Variants in TOMM5 observed in about 807,000 individuals in gnomAD.
TOMM5 encodes the protein mitochondrial import receptor subunit TOM5 homolog.
In TOMM5, 1 loss-of-function variant was observed where a neutral mutation model predicts 4.8. The ratio of observed to expected loss-of-function variants is 0.21; its 90% CI spans 0.07 to 0.99. TOMM5 has a LOEUF of 0.99. Ranked by LOEUF, TOMM5 falls within the 50% of genes least tolerant of loss-of-function variation. The pLI is 0.60. For missense variants in TOMM5, 60 were observed against 66.6 expected (o/e 0.90, Z 0.35); for synonymous variants, 26 against 26.7 (o/e 0.97, Z 0.08).
At chr9:37,592,123 G>A in intron 1 of TOMM5, 1 of 1,177,478 alleles carries the variant, frequency 8.5e-7, no homozygotes. Context: ...ACAAAGTGCT[G>A]GGTGGGATTA....
Position 37,588,844 on chromosome 9 carries a change from T to G in TOMM5, c.*54A>C, listed in dbSNP as rs766294909. 2 of 1,574,620 alleles carry G rather than the reference T, an allele frequency of 1.3e-6. No homozygotes were observed. The highest frequency in any genetic ancestry group is 1.7e-6 in the Non-Finnish European group (2 of 1,144,626). On this transcript the variant is annotated 3_prime_UTR_variant, in exon 2 of 2. Transcript: ENST00000321301. ...GGGCCTATTCACTTGCAGAGAGGAG[T>G]CGAAACTGTAACCAGGCTCTTCATA...
Position 37,588,716 on chromosome 9 carries a change from C to T in TOMM5, c.*182G>A. ...TCACGAGACATCGTTTCATACTTCCCAAATAGTTTTATATTTTAGCTTTGA... is the reference window on the plus strand; with the variant it reads ...TCACGAGACATCGTTTCATACTTCCTAAATAGTTTTATATTTTAGCTTTGA... On this transcript the variant is annotated 3_prime_UTR_variant, in exon 2 of 2. Transcript: ENST00000321301. 1 of 710,084 alleles carries T rather than the reference C, an allele frequency of 1.4e-6. No homozygotes were observed. Among genetic ancestry groups the T allele is most frequent in the Non-Finnish European group, 2.6e-6 (1 of 390,532 alleles). The allele number at this position is 710,084 out of a possible 1,614,324, so 44.0% of individuals were successfully genotyped here. A position where few individuals can be genotyped will look rare whatever the true frequency, so the allele number is the denominator to read the frequency against.
chr9:37,591,905 G>A (rs1823109216), intron 1 of TOMM5, among the ~76,000 whole-genome samples: 1 of 151,978 alleles, frequency 6.6e-6, no homozygotes, highest in Non-Finnish European at 1.5e-5. Context: ...ATAATTACTT[G>A]AGCTCTTTCA....
chr9:37,591,010 G>T (rs1823091506), intron 1 of TOMM5, among the ~76,000 whole-genome samples: 1 of 152,186 alleles, frequency 6.6e-6, no homozygotes, highest in African/African-American at 2.4e-5. Context: ...AGGAACAATG[G>T]AAAGGATACT....
At position 37,588,543 on chromosome 9, in the gene TOMM5, A is replaced by C; in HGVS notation, c.*355T>G. The C allele has an allele frequency of 2.4e-6, 1 of 410,720 alleles. No individual in the cohort carries two copies. 25.4% of individuals were successfully genotyped at this position (410,720 alleles called of 1,614,324 possible). On this transcript the variant is annotated 3_prime_UTR_variant, in exon 2 of 2. Coordinates refer to ENST00000321301, the MANE Select transcript of TOMM5 (RefSeq NM_001001790.3). ...TCTTCACAAATACACTCTGGGCAGA[A>C]GAAAAAGGTAAACAGAAATGACTGA...
At chr9:37,592,126 TG>T in intron 1 of TOMM5, 1 of 1,200,334 alleles carries the variant, frequency 8.3e-7, no homozygotes, top group Non-Finnish European at 1.1e-6. Context: ...AAGTGCTGGG[TG>T]GGATTACAGG....
In TOMM5 at chr9:37,592,464, A is replaced by G. The variant is rs1563900369; in HGVS notation, c.69T>C (p.Asp23=). ...PEEMKRKMRE[D]VISSIRNFLI... Reference sequence around the variant, plus strand: ...GAAAGTTCCGTATGGAGGAGATCACATCCTCGCGCATCTTCCGTTTCATCT... The same window carrying G: ...GAAAGTTCCGTATGGAGGAGATCACGTCCTCGCGCATCTTCCGTTTCATCT... The change falls in exon 1 of 2, where the codon GAT becomes GAC. Residue 23 remains aspartate (D), a synonymous_variant. Coordinates refer to ENST00000321301, the MANE Select transcript of TOMM5 (RefSeq NM_001001790.3). The G allele has an allele frequency of 6.2e-7, 1 of 1,614,002 alleles. No homozygotes were observed. Among genetic ancestry groups the G allele is most frequent in the Non-Finnish European group, 8.5e-7 (1 of 1,180,028 alleles).
At chr9:37,589,202 A>G (rs1823062816) in intron 1 of TOMM5, among the ~76,000 whole-genome samples, 1 of 152,246 alleles carries the variant, frequency 6.6e-6, no homozygotes, top group South Asian at 2.1e-4. Flanking sequence ...TATAAATCCA[A>G]TTCTCTTTCA....
chr9:37,590,123 G>C (rs1588873748), intron 1 of TOMM5, among the ~76,000 whole-genome samples: 1 of 152,148 alleles, frequency 6.6e-6, no homozygotes, highest in Non-Finnish European at 1.5e-5. Context: ...CAGGTGTGGT[G>C]GACCACACCT....
intron 1 of TOMM5, among the ~76,000 whole-genome samples, chr9:37,590,000 TTC>T (rs1375799578): frequency 6.6e-6 from 1 of 152,212 alleles, no homozygotes; most frequent in Admixed American, 6.5e-5. Flanking sequence ...CAAAATGAAG[TTC>T]TGACACATGC....
At chr9:37,591,611 G>T (rs1387168974) in intron 1 of TOMM5, among the ~76,000 whole-genome samples, 1 of 151,604 alleles carries the variant, frequency 6.6e-6, no homozygotes. Flanking sequence ...AGAATGGCTT[G>T]AACTCGGGAG....
At chr9:37,589,780 G>A (rs1451440038) in intron 1 of TOMM5, among the ~76,000 whole-genome samples, 3 of 152,074 alleles carry the variant, frequency 2.0e-5, no homozygotes, top group East Asian at 1.9e-4. Flanking sequence ...CCTCAGCCCC[G>A]CAAAGTGCTG....
In TOMM5 at chr9:37,592,514, G is replaced by T. The variant is rs1409625539; in HGVS notation, c.19C>A (p.Leu7Ile). The change falls in exon 1 of 2, where the codon CTC (leucine) becomes ATC (isoleucine). Residue 7 changes from leucine to isoleucine, a missense_variant. By Grantham distance (5) the Leu-to-Ile change is conservative (BLOSUM62 2). Coordinates refer to ENST00000321301, the MANE Select transcript of TOMM5 (RefSeq NM_001001790.3). The stretch of plus-strand genomic sequence containing the variant: ...TCCTCCGGGTCCAGCTTCGGCGCGA[G>T]GCCCTCAATCCGGAACATCGCGGCT... MFRIEG[L>I]APKLDPEEMK... 1 of 1,613,578 alleles carries T rather than the reference G, an allele frequency of 6.2e-7. No individual in the cohort carries two copies. Among genetic ancestry groups the T allele is most frequent in the South Asian group, 1.1e-5 (1 of 91,060 alleles).
intron 1 of TOMM5, among the ~76,000 whole-genome samples, chr9:37,591,179 C>T (rs925202263): frequency 1.3e-5 from 2 of 152,052 alleles, no homozygotes; most frequent in Non-Finnish European, 2.9e-5. Flanking sequence ...AATCTTAGGC[C>T]CTGCCTCCCT....
chr9:37,591,863 C>G (rs1823108381), intron 1 of TOMM5, among the ~76,000 whole-genome samples: 2 of 152,112 alleles, frequency 1.3e-5, no homozygotes. Context: ...CTCTGTTTCT[C>G]TGTCTGCAAA....
rs773368229 is a variant in TOMM5 at position 37,592,543 on chromosome 9, A to C, written c.-11T>G. On this transcript the variant is annotated 5_prime_UTR_variant, in exon 1 of 2. Coordinates refer to ENST00000321301, the MANE Select transcript of TOMM5 (RefSeq NM_001001790.3). ...CTCAATCCGGAACATCGCGGCTCTG[A>C]CTTAGCAGCTTCCAGCCGCCGCGCT... 1.2e-6 allele frequency: 2 copies of C among 1,608,926 alleles called. No homozygotes were observed. The highest frequency in any genetic ancestry group is 1.7e-6 in the Non-Finnish European group (2 of 1,176,862).
intron 1 of TOMM5, among the ~76,000 whole-genome samples, chr9:37,589,406 A>G (rs1823066340): frequency 6.6e-6 from 1 of 152,214 alleles, no homozygotes; most frequent in African/African-American, 2.4e-5. Context: ...ATCACTTAAC[A>G]TACTCTAGAT....
rs1823127125 is a variant in TOMM5 at position 37,592,564 on chromosome 9, G to A, written c.-32C>T. ...TCTGACTTAGCAGCTTCCAGCCGCC[G>A]CGCTCTGCTCTCCACGGTGGCCGCC... On this transcript the variant is annotated 5_prime_UTR_variant, in exon 1 of 2. Transcript: ENST00000321301. 6.2e-7 allele frequency: 1 copy of A among 1,602,408 alleles called. No individual in the cohort carries two copies. Among genetic ancestry groups the A allele is most frequent in the Non-Finnish European group, 8.5e-7 (1 of 1,173,512 alleles).
chr9:37,592,156 G>T (rs1823112848), intron 1 of TOMM5: 3 of 1,413,150 alleles, frequency 2.1e-6, no homozygotes, highest in South Asian at 1.4e-5. Flanking sequence ...AACGCGCCCG[G>T]CAGCTCAAAC....
Sources: gnomAD v4.1 joint callset for allele counts (sites outside exome capture counted in the v4.1 genomes callset) on GRCh38, gnomAD v4.1.1 for gene constraint, MANE v1.5 for transcripts, NCBI Gene and HGNC (gene_info 2026-07-23, HGNC 2026-07-21) for gene names.